Variants in NLGN1 observed in about 807,000 individuals in gnomAD.
The protein encoded by NLGN1 is neuroligin 1.
Under a neutral mutation model 65.5 loss-of-function variants are expected in NLGN1, and 12 were observed. The ratio of observed to expected loss-of-function variants is 0.18; its 90% CI spans 0.12 to 0.30. The LOEUF (loss-of-function observed/expected upper bound fraction) is 0.30. NLGN1 is among the 10% of genes least tolerant of loss of function. The pLI is 1.00. For missense variants in NLGN1, 750 were observed against 1,007.1 expected (o/e 0.74, Z 3.46); for synonymous variants, 350 against 359.5 (o/e 0.97, Z 0.30).
At chr3:173,837,669 C>T (rs935381475) in intron 4 of NLGN1, among the ~76,000 whole-genome samples, 1 of 152,174 alleles carries the variant, frequency 6.6e-6, no homozygotes, top group Non-Finnish European at 1.5e-5. Flanking sequence ...CATTTGTATA[C>T]ATATATTAAA....
At chr3:173,893,901 T>A (rs1026693833) in intron 4 of NLGN1, among the ~76,000 whole-genome samples, 1 of 152,204 alleles carries the variant, frequency 6.6e-6, no homozygotes, top group African/African-American at 2.4e-5. Flanking sequence ...TGTTACAACA[T>A]CTTTGGCCTC....
intron 4 of NLGN1, among the ~76,000 whole-genome samples, chr3:173,936,996 T>G (rs543981905): frequency 2.0e-5 from 3 of 152,190 alleles, no homozygotes; most frequent in African/African-American, 7.2e-5. Context: ...CACAGGGATA[T>G]ATGTATACAC....
At chr3:173,906,436 C>T (rs984667710) in intron 4 of NLGN1, among the ~76,000 whole-genome samples, 4 of 152,022 alleles carry the variant, frequency 2.6e-5, no homozygotes, top group African/African-American at 9.7e-5. Flanking sequence ...TTATTGTGTA[C>T]CTACTTTGGG....
intron 4 of NLGN1, among the ~76,000 whole-genome samples, chr3:174,051,338 A>G (rs1173122733): frequency 2.0e-5 from 3 of 152,056 alleles, no homozygotes; most frequent in East Asian, 1.9e-4. Context: ...AGGATTTGGC[A>G]TACCACGTCG....
intron 4 of NLGN1, among the ~76,000 whole-genome samples, chr3:174,212,818 C>T (rs1445394069): frequency 6.6e-6 from 1 of 152,168 alleles, no homozygotes; most frequent in East Asian, 1.9e-4. Context: ...AAGGGGAATC[C>T]ATTTCTTTGC....
chr3:173,676,425 T>A (rs1315634871), intron 3 of NLGN1, among the ~76,000 whole-genome samples: 3 of 152,140 alleles, frequency 2.0e-5, no homozygotes, highest in South Asian at 4.1e-4. Context: ...GCCCTTTTGG[T>A]TCCCTGACAG....
intron 4 of NLGN1, among the ~76,000 whole-genome samples, chr3:173,977,656 A>T (rs970177058): frequency 3.3e-5 from 5 of 152,036 alleles, no homozygotes; most frequent in African/African-American, 1.2e-4. Context: ...TAGAAAAAAA[A>T]ATGGACAAAG....
chr3:174,232,309 G>A (rs934813863), intron 4 of NLGN1, among the ~76,000 whole-genome samples: 2 of 152,142 alleles, frequency 1.3e-5, no homozygotes, highest in Non-Finnish European at 2.9e-5. Context: ...CATCAGTGAA[G>A]GCAGGAACAG....
intron 3 of NLGN1, among the ~76,000 whole-genome samples, chr3:173,624,634 A>C (rs1754549440): frequency 6.6e-6 from 1 of 152,112 alleles, no homozygotes; most frequent in Non-Finnish European, 1.5e-5. Context: ...CTGTCAGGGA[A>C]TAATTTGAAT....
At chr3:173,551,070 T>G (rs977433342) in intron 2 of NLGN1, among the ~76,000 whole-genome samples, 2 of 152,170 alleles carry the variant, frequency 1.3e-5, no homozygotes, top group Non-Finnish European at 2.9e-5. Flanking sequence ...CTGGTTCTTC[T>G]AATCACTTCT....
chr3:174,165,246 A>C (rs1238967323), intron 4 of NLGN1, among the ~76,000 whole-genome samples: 1 of 151,952 alleles, frequency 6.6e-6, no homozygotes, highest in Admixed American at 6.6e-5. Flanking sequence ...TTGAATAGGA[A>C]TGGTGAGAAT....
chr3:173,400,627 G>A (rs1006624589), intron 1 of NLGN1, among the ~76,000 whole-genome samples: 9 of 150,576 alleles, frequency 6.0e-5, no homozygotes, highest in East Asian at 3.9e-4. Flanking sequence ...CCTTCATCAT[G>A]ATGCTTCCTT....
intron 4 of NLGN1, among the ~76,000 whole-genome samples, chr3:174,194,947 C>T (rs558276742): frequency 4.0e-5 from 6 of 151,456 alleles, no homozygotes; most frequent in Non-Finnish European, 7.4e-5. Context: ...CCACAACCTC[C>T]GCCTCCCGGG....
chr3:173,969,238 A>G (rs1398390221), intron 4 of NLGN1, among the ~76,000 whole-genome samples: 5 of 152,136 alleles, frequency 3.3e-5, no homozygotes, highest in African/African-American at 9.7e-5. Flanking sequence ...AGTTAAGGCC[A>G]TAAGGACAAT....
At chr3:173,539,571 TATATG>T (rs1489238889) in intron 2 of NLGN1, among the ~76,000 whole-genome samples, 7 of 142,274 alleles carry the variant, frequency 4.9e-5, no homozygotes, top group African/African-American at 1.8e-4. Context: ...ATATATAACA[TATATG>T]TTATGTTATA....
the NLGN1 span, among the ~76,000 whole-genome samples, chr3:174,294,022 A>G: frequency 4.0e-5 from 6 of 151,724 alleles, no homozygotes; most frequent in African/African-American, 1.2e-4. Flanking sequence ...TGGAAAAAGC[A>G]TATTTTAAGG....
At chr3:173,905,143 T>G (rs1738135102) in intron 4 of NLGN1, among the ~76,000 whole-genome samples, 1 of 152,222 alleles carries the variant, frequency 6.6e-6, no homozygotes, top group African/African-American at 2.4e-5. Flanking sequence ...TGAGTTCTCT[T>G]TCCCATGTGG....
intron 4 of NLGN1, among the ~76,000 whole-genome samples, chr3:174,182,141 CT>C (rs34658049): frequency 6.6e-6 from 1 of 152,048 alleles, no homozygotes; most frequent in Non-Finnish European, 1.5e-5. Flanking sequence ...GCCTACCAAT[CT>C]TTTTTTCTAA....
In NLGN1 at chr3:173,944,124, G is replaced by GGTGTGTGTGT. The variant is rs1553897255; in HGVS notation, c.646+136321_646+136330dup. 1.3e-3 allele frequency among the ~76,000 whole-genome samples: 183 copies of GGTGTGTGTGT among 139,590 alleles called. 2 individuals are homozygous for GGTGTGTGTGT. The highest frequency in any genetic ancestry group is 9.2e-3 in the South Asian group (40 of 4,358). The allele number at this position is 139,590 out of a possible 152,430, so 91.6% of individuals were successfully genotyped here. Reference sequence around the variant, plus strand: ...TTTTAAATGTCCAGTTAATATTATGGGTGTGTGTGTGTGTGTGTGTGTGTG... The same window carrying GGTGTGTGTGT: ...TTTTAAATGTCCAGTTAATATTATGGGTGTGTGTGTGTGTGTGTGTGTGTGTGTGTGTGTG... On this transcript the variant is annotated intron_variant, in intron 4 of 6. Transcript: ENST00000457714.
Sources: allele counts gnomAD v4.1 joint callset (sites outside exome capture counted in the v4.1 genomes callset), GRCh38; gene constraint gnomAD v4.1.1; transcripts MANE v1.5; gene names NCBI Gene and HGNC (gene_info 2026-07-23, HGNC 2026-07-21).